RET: variants seen among roughly 807,000 people sequenced by gnomAD.
RET encodes the protein ret proto-oncogene.
Under a neutral mutation model 118.3 loss-of-function variants are expected in RET, and 19 were observed. The observed-to-expected ratio is 0.16, with a 90% CI of 0.11 to 0.24. The LOEUF (loss-of-function observed/expected upper bound fraction) is 0.24, where lower values mean the gene tolerates loss of function less well. Ranked by LOEUF, RET falls within the 10% of genes least tolerant of loss-of-function variation. The probability of loss-of-function intolerance (pLI) is 1.00; values close to 1 mark genes in which losing one functional copy is unlikely to be tolerated. For synonymous variants in RET, 597 were observed against 644.1 expected (o/e 0.93, Z 1.11); for missense variants, 1,219 against 1,502.1 (o/e 0.81, Z 3.12).
At chr10:43,089,529 G>T (rs1464751199) in intron 1 of RET, among the ~76,000 whole-genome samples, 1 of 152,204 alleles carries the variant, frequency 6.6e-6, no homozygotes, top group African/African-American at 2.4e-5. Context: ...CTCTCCCAAG[G>T]CGTGCAGGTG....
chr10:43,104,897 G>A lies in RET; in HGVS notation c.626-55G>A, dbSNP rs1218683173. Reference sequence around the variant, plus strand: ...CAGAGCCCCCTTCCCGAGGAAAGCGGCTGGCCCGGTCCCGGCTGGTGATCA... The same window carrying A: ...CAGAGCCCCCTTCCCGAGGAAAGCGACTGGCCCGGTCCCGGCTGGTGATCA... On this transcript the variant is annotated intron_variant, in intron 3 of 19. Coordinates refer to ENST00000355710, the MANE Select transcript of RET (RefSeq NM_020975.6). 5.9e-6 allele frequency: 9 copies of A among 1,536,724 alleles called. No individual in the cohort carries two copies. In the African/African-American group the frequency reaches 1.2e-4, roughly 21 times the overall value.
rs759812068 is a variant in RET, at chr10:43,105,102, C to A, written c.776C>A (p.Pro259Gln). ...GAGGAGGTGGTGATGGTGCCCTTCC[C>A]GGTGACCGTGTACGACGAGGACGAC... The part of the protein sequence containing the change: ...AREEVVMVPF[P>Q]VTVYDEDDSA... Residue 259 changes from proline to glutamine, a missense_variant, in exon 4 of 20, where the codon CCG (proline) becomes CAG (glutamine). Transcript: ENST00000355710. The A allele has an allele frequency of 6.2e-7, 1 of 1,612,226 alleles. No homozygotes were observed. The highest frequency in any genetic ancestry group is 1.1e-5 in the South Asian group (1 of 91,046).
chr10:43,107,599 ACACC>A (rs761731289), intron 5 of RET, among the ~76,000 whole-genome samples: 1,809 of 145,934 alleles, frequency 0.012, 18 homozygotes, highest in Admixed American at 0.019. Flanking sequence ...ACACACACAC[ACACC>A]CTGTTACCCA....
intron 1 of RET, among the ~76,000 whole-genome samples, chr10:43,082,697 A>G (rs1263510102): frequency 6.6e-6 from 1 of 152,198 alleles, no homozygotes; most frequent in Non-Finnish European, 1.5e-5. Context: ...GGAGCAGGAC[A>G]GTGGCCACCA....
intron 1 of RET, among the ~76,000 whole-genome samples, chr10:43,077,670 A>ACAGCC (rs1157691574): frequency 1.3e-5 from 2 of 152,096 alleles, no homozygotes; most frequent in East Asian, 3.9e-4. Flanking sequence ...AGCAAACGGG[A>ACAGCC]CAGCCGTTTC....
Position 43,078,740 on chromosome 10 carries a change from G to A in RET, c.73+1409G>A, listed in dbSNP as rs114321483. On this transcript the variant is annotated intron_variant, in intron 1 of 19. Coordinates refer to ENST00000355710, the MANE Select transcript of RET (RefSeq NM_020975.6). The stretch of plus-strand genomic sequence containing the variant: ...CACAGCCTTGCGTTCAGTTGGGGTG[G>A]CCAGTGAGGCTGTGGGGGCCAGGCT... 2.8e-3 allele frequency among the ~76,000 whole-genome samples: 426 copies of A among 152,348 alleles called. 2 individuals are homozygous for A. The highest frequency in any genetic ancestry group is 9.7e-3 in the African/African-American group (405 of 41,574).
chr10:43,107,089 C>T (rs910132146), intron 5 of RET, among the ~76,000 whole-genome samples: 1 of 152,244 alleles, frequency 6.6e-6, no homozygotes, highest in Non-Finnish European at 1.5e-5. Flanking sequence ...CTTTCAGCAG[C>T]GGCCTTGCTT....
At chr10:43,102,659 C>T (rs1217245557) in intron 3 of RET, 30 bp downstream of exon 3, 2 of 1,613,112 alleles carry the variant, frequency 1.2e-6, no homozygotes, top group Non-Finnish European at 8.5e-7. Context: ...GGCCGCCCCA[C>T]AGTGCCTGCT....
intron 11 of RET, among the ~76,000 whole-genome samples, chr10:43,116,109 T>A (rs1445762061): frequency 6.6e-6 from 1 of 152,124 alleles, no homozygotes; most frequent in Non-Finnish European, 1.5e-5. Context: ...GGCAGGGTGG[T>A]AGTGCCAGCA....
intron 1 of RET, among the ~76,000 whole-genome samples, chr10:43,081,168 TC>T (rs1407388624): frequency 1.4e-5 from 2 of 147,910 alleles, no homozygotes; most frequent in Non-Finnish European, 3.0e-5. Context: ...CAGGAGCCCC[TC>T]CCCCAGAAGT....
chr10:43,111,622 T>C (rs1837935453), intron 7 of RET, among the ~76,000 whole-genome samples, 157 bp downstream of exon 7: 1 of 152,242 alleles, frequency 6.6e-6, no homozygotes, highest in Admixed American at 6.5e-5. Context: ...CAGTAAATGG[T>C]TGCTCCTTCC....
rs989889325 is a variant in RET, at chr10:43,106,924, C to T, written c.1063+353C>T. 2.6e-5 allele frequency among the ~76,000 whole-genome samples: 4 copies of T among 152,180 alleles called. No individual in the cohort carries two copies. The highest frequency in any genetic ancestry group is 9.7e-5 in the African/African-American group (4 of 41,438). On this transcript the variant is annotated intron_variant, in intron 5 of 19. Transcript: ENST00000355710. The surrounding 1 kb of genome is among the most constrained non-coding windows in gnomAD (Gnocchi z 5.1). ...TGGCACTCCATCGTTGCCCCTAAGG[C>T]GTCCCAAGTGCTTACGGATTATTGC...
intron 15 of RET, among the ~76,000 whole-genome samples, chr10:43,120,611 G>C (rs1425916127): frequency 6.6e-6 from 1 of 152,262 alleles, no homozygotes. Flanking sequence ...GGAATGAACT[G>C]CTTTACAAGT....
chr10:43,101,024 G>A (rs1837632259), intron 2 of RET, among the ~76,000 whole-genome samples: 1 of 152,234 alleles, frequency 6.6e-6, no homozygotes, highest in Admixed American at 6.5e-5. Flanking sequence ...GAGGTTTCGA[G>A]AGAGGGAGTA....
Position 43,114,441 on chromosome 10 carries a change from C to T in RET, c.1880-39C>T. The T allele has an allele frequency of 6.2e-7, 1 of 1,602,826 alleles. No homozygotes were observed. Reference sequence around the variant, plus strand: ...CAGCCTGTACCCAGTGGTGCCGAGCCTCTGGCGGTGCCAAGCCTCACACCA... The same window carrying T: ...CAGCCTGTACCCAGTGGTGCCGAGCTTCTGGCGGTGCCAAGCCTCACACCA... On this transcript the variant is annotated intron_variant, in intron 10 of 19. Transcript: ENST00000355710. The surrounding 1 kb of genome is among the most constrained non-coding windows in gnomAD (Gnocchi z 4.6).
At chr10:43,092,399 T>A (rs1374691739) in intron 1 of RET, among the ~76,000 whole-genome samples, 1 of 152,234 alleles carries the variant, frequency 6.6e-6, no homozygotes, top group Non-Finnish European at 1.5e-5. Context: ...ATGGTTTGCA[T>A]GGCAGTGTGA....
At chr10:43,112,343 T>A in intron 8 of RET, 119 bp downstream of exon 8, 1 of 1,435,732 alleles carries the variant, frequency 7.0e-7, no homozygotes, top group Non-Finnish European at 9.5e-7. Flanking sequence ...TTCTGGCACC[T>A]CATCCCCCAT....
intron 4 of RET, 91 bp downstream of exon 4, chr10:43,105,284 A>C: frequency 1.3e-6 from 2 of 1,565,086 alleles, no homozygotes; most frequent in Admixed American, 1.7e-5. Flanking sequence ...TAGCCACCCA[A>C]CCGTGTGGCC....
rs916540978 is a variant in RET, at chr10:43,129,210, A to C, written c.*941A>C. 1 of 233,298 alleles carries C rather than the reference A, an allele frequency of 4.3e-6. No homozygotes were observed. The highest frequency in any genetic ancestry group is 2.2e-5 in the African/African-American group (1 of 45,296). 14.5% of individuals were successfully genotyped at this position (233,298 alleles called of 1,614,324 possible). A position where few individuals can be genotyped will look rare whatever the true frequency, so the allele number is the denominator to read the frequency against. On this transcript the variant is annotated 3_prime_UTR_variant, in exon 20 of 20. Coordinates refer to ENST00000355710, the MANE Select transcript of RET (RefSeq NM_020975.6). ...AGAGGCGAAAGCAGTGGCTCATCCT[A>C]CCTGTTAGGAGCAGGTAGGGCTTGT...
Sources: allele counts gnomAD v4.1 joint callset (sites outside exome capture counted in the v4.1 genomes callset), GRCh38; gene constraint gnomAD v4.1.1; non-coding constraint Gnocchi (gnomAD v3.1); transcripts MANE v1.5; gene names NCBI Gene and HGNC (gene_info 2026-07-23, HGNC 2026-07-21).